The following ARHGAP42 variants were observed in gnomAD, a reference collection of about 807,000 sequenced individuals.
The protein encoded by ARHGAP42 is rho GTPase-activating protein 42.
In ARHGAP42, 63 loss-of-function variants were observed where a neutral mutation model predicts 125.0. The observed-to-expected ratio is 0.50, with a 90% CI of 0.41 to 0.62. The LOEUF (loss-of-function observed/expected upper bound fraction) is 0.62. Among genes scored for constraint, ARHGAP42 ranks in the 20% least tolerant of loss-of-function variants. The pLI, the probability that ARHGAP42 is intolerant of heterozygous loss-of-function variation, is 0.00. For synonymous variants in ARHGAP42, 339 were observed against 351.0 expected (o/e 0.97, Z 0.38); for missense variants, 766 against 1,024.2 (o/e 0.75, Z 3.44).
At chr11:100,839,885 A>G (rs1864903809) in intron 3 of ARHGAP42, 1 of 152,204 alleles carries the variant, frequency 6.6e-6, no homozygotes, top group South Asian at 2.1e-4. Flanking sequence ...TTCTTAAGAT[A>G]CATGGAGCTA....
chr11:100,837,926 T>TTTTATTTTATTTTA (rs1555008987), intron 3 of ARHGAP42, among the ~76,000 whole-genome samples: 1 of 116,826 alleles, frequency 8.6e-6, no homozygotes, highest in African/African-American at 3.3e-5. Context: ...GTCTAACAGG[T>TTTTATTTTATTTTA]TTTTATTTTA....
chr11:100,985,306 A>T (rs1054265086), intron 22 of ARHGAP42, among the ~76,000 whole-genome samples: 2 of 152,194 alleles, frequency 1.3e-5, no homozygotes, highest in African/African-American at 4.8e-5. Context: ...GTTCAAAGAA[A>T]TATGACTTAT....
intron 2 of ARHGAP42, among the ~76,000 whole-genome samples, chr11:100,786,684 C>T (rs1303145518): frequency 1.3e-5 from 2 of 152,082 alleles, no homozygotes; most frequent in South Asian, 2.1e-4. Context: ...GAATTATTTC[C>T]GTAATCTACT....
chr11:100,871,415 G>A (rs1456376781), intron 4 of ARHGAP42, among the ~76,000 whole-genome samples: 3 of 151,660 alleles, frequency 2.0e-5, no homozygotes, highest in Admixed American at 1.3e-4. Flanking sequence ...GCATCGTGGG[G>A]CATGCCTATA....
At chr11:100,715,091 T>C (rs962727964) in intron 1 of ARHGAP42, among the ~76,000 whole-genome samples, 1 of 151,044 alleles carries the variant, frequency 6.6e-6, no homozygotes, top group African/African-American at 2.4e-5. Context: ...TTAAACCAGG[T>C]TTACTTTGTA....
At chr11:100,937,940 C>T (rs11224529) in intron 8 of ARHGAP42, among the ~76,000 whole-genome samples, 14,019 of 151,988 alleles carry the variant, frequency 0.092, 917 homozygotes, top group Non-Finnish European at 0.13. Flanking sequence ...ATGGACTAAG[C>T]GCAGTGTTTT....
chr11:100,808,342 G>A (rs1864048448), intron 3 of ARHGAP42, among the ~76,000 whole-genome samples: 1 of 151,084 alleles, frequency 6.6e-6, no homozygotes, highest in Non-Finnish European at 1.5e-5. Flanking sequence ...AAGAGAAAGG[G>A]CAACAAAAGC....
intron 18 of ARHGAP42, 100 bp downstream of exon 18, chr11:100,973,434 C>T (rs1858306943): frequency 8.4e-7 from 1 of 1,191,770 alleles, no homozygotes; most frequent in Non-Finnish European, 1.2e-6. Flanking sequence ...GTATAAATTA[C>T]TTCTTAATGG....
intron 1 of ARHGAP42, among the ~76,000 whole-genome samples, chr11:100,764,311 A>T (rs1296537460): frequency 6.6e-6 from 1 of 152,196 alleles, no homozygotes; most frequent in East Asian, 1.9e-4. Flanking sequence ...GGCATGAGCC[A>T]ATATGCCTAG....
intron 1 of ARHGAP42, among the ~76,000 whole-genome samples, chr11:100,738,024 A>G (rs1862103384): frequency 6.6e-6 from 1 of 152,182 alleles, no homozygotes; most frequent in South Asian, 2.1e-4. Context: ...GGCAGTTGCT[A>G]AATGTCAAAA....
At chr11:100,909,341 G>GTTT (rs71053157) in intron 4 of ARHGAP42, among the ~76,000 whole-genome samples, 25 of 137,410 alleles carry the variant, frequency 1.8e-4, no homozygotes, top group Non-Finnish European at 2.9e-4. Context: ...GACTTTTCTT[G>GTTT]TTTTTTTTTT....
At chr11:100,866,943 A>G (rs938105671) in intron 4 of ARHGAP42, among the ~76,000 whole-genome samples, 1 of 152,226 alleles carries the variant, frequency 6.6e-6, no homozygotes, top group Admixed American at 6.5e-5. Context: ...ACATTAATCT[A>G]CTTGTACATA....
At chr11:100,926,423 C>G (rs1867424601) in intron 6 of ARHGAP42, among the ~76,000 whole-genome samples, 1 of 152,144 alleles carries the variant, frequency 6.6e-6, no homozygotes, top group Non-Finnish European at 1.5e-5. Context: ...TTAATCCTTC[C>G]TGATAATATT....
At chr11:100,770,112 C>T (rs931354345) in intron 1 of ARHGAP42, among the ~76,000 whole-genome samples, 1 of 152,148 alleles carries the variant, frequency 6.6e-6, no homozygotes, top group Non-Finnish European at 1.5e-5. Context: ...AGTAAATCTC[C>T]ACTGTGTAGA....
chr11:100,755,264 G>T (rs911995122), intron 1 of ARHGAP42, among the ~76,000 whole-genome samples: 1 of 152,192 alleles, frequency 6.6e-6, no homozygotes, highest in African/African-American at 2.4e-5. Context: ...GTAGCAACTG[G>T]TTCCCAAACT....
intron 4 of ARHGAP42, 113 bp downstream of exon 4, chr11:100,859,738 T>A (rs1865400762): frequency 2.4e-6 from 2 of 839,330 alleles, no homozygotes; most frequent in Non-Finnish European, 3.5e-6. Context: ...ATTTTGTACA[T>A]CATTTAAAAC....
chr11:100,939,282 C>A (rs1867815025), intron 8 of ARHGAP42, among the ~76,000 whole-genome samples: 1 of 151,776 alleles, frequency 6.6e-6, no homozygotes, highest in Non-Finnish European at 1.5e-5. Flanking sequence ...GGATTTAAAC[C>A]CATGTCATAA....
intron 4 of ARHGAP42, among the ~76,000 whole-genome samples, chr11:100,867,744 G>A (rs1390454551): frequency 6.6e-6 from 1 of 152,226 alleles, no homozygotes; most frequent in Non-Finnish European, 1.5e-5. Flanking sequence ...GGCACAAGAG[G>A]ATTAGCTCTT....
intron 13 of ARHGAP42, among the ~76,000 whole-genome samples, chr11:100,960,231 GA>G (rs1857918362): frequency 1.1e-5 from 1 of 94,466 alleles, no homozygotes; most frequent in African/African-American, 5.5e-5. Flanking sequence ...GCACCTCTTT[GA>G]TTTTTTTTTT....
Sources: allele counts gnomAD v4.1 joint callset (sites outside exome capture counted in the v4.1 genomes callset), GRCh38; gene constraint gnomAD v4.1.1; transcripts MANE v1.5; gene names NCBI Gene and HGNC (gene_info 2026-07-23, HGNC 2026-07-21).